Variants in PIGG observed in about 807,000 individuals in gnomAD.
PIGG encodes phosphatidylinositol glycan anchor biosynthesis class G (EMM blood group), also known as GPI ethanolamine phosphate transferase 2, catalytic subunit.
PIGG carries 70 observed loss-of-function variants against 83.2 expected under a neutral mutation model. The observed-to-expected ratio is 0.84, with a 90% CI of 0.69 to 1.03. The LOEUF (loss-of-function observed/expected upper bound fraction) is 1.03. Among genes scored for constraint, PIGG ranks in the 50% least tolerant of loss-of-function variants. The pLI is 0.00. For missense variants in PIGG, 1,257 were observed against 1,233.6 expected (o/e 1.02, Z -0.28); for synonymous variants, 532 against 519.5 (o/e 1.02, Z -0.33).
In PIGG at chr4:523,479, A is replaced by T. The variant is rs766274193; in HGVS notation, c.1635A>T (p.Ser545=). The change falls in exon 9 of 13, where the codon TCA becomes TCT. Residue 545 remains serine (S), a synonymous_variant. Transcript: ENST00000453061. ...CACAGAACCCCATGCATCCCAGCTC[A>T]AGGTGGTCAGAGCTAGACCTTCTTA... ...TPRKNPMHPS[S]RWSELDLLIL... The T allele has an allele frequency of 9.3e-6, 15 of 1,609,870 alleles. No homozygotes were observed. Among genetic ancestry groups the T allele is most frequent in the Admixed American group, 1.7e-5 (1 of 59,826 alleles).
At chr4:505,236 T>C (rs1719192205) in intron 2 of PIGG, among the ~76,000 whole-genome samples, 1 of 152,076 alleles carries the variant, frequency 6.6e-6, no homozygotes, top group Non-Finnish European at 1.5e-5. Context: ...CTGGAAAGAT[T>C]ATTAGGAGCC....
intron 2 of PIGG, among the ~76,000 whole-genome samples, chr4:503,663 C>T (rs1481149156): frequency 3.3e-5 from 5 of 151,916 alleles, no homozygotes; most frequent in Middle Eastern, 3.4e-3. Context: ...TGGTTAAATA[C>T]GTTATTGTAC....
At chr4:499,606 A>G in intron 1 of PIGG, 117 bp downstream of exon 1, 1 of 1,432,126 alleles carries the variant, frequency 7.0e-7, no homozygotes, top group Non-Finnish European at 9.1e-7. Flanking sequence ...CTCTTCCATT[A>G]TGGTCCCCAC....
At chr4:513,101 C>G (rs1722751223) in intron 5 of PIGG, among the ~76,000 whole-genome samples, 1 of 152,160 alleles carries the variant, frequency 6.6e-6, no homozygotes, top group Admixed American at 6.5e-5. Flanking sequence ...AGGCTTCTTA[C>G]CAAGGCCTAG....
intron 10 of PIGG, among the ~76,000 whole-genome samples, chr4:530,037 A>G (rs1343131115): frequency 6.6e-6 from 1 of 152,240 alleles, no homozygotes; most frequent in East Asian, 1.9e-4. Context: ...ATGAACATTT[A>G]TGAACTTACA....
At chr4:500,265 C>T (rs1400688243) in intron 1 of PIGG, 131 bp from the exon 2 acceptor site, 4 of 675,376 alleles carry the variant, frequency 5.9e-6, no homozygotes, top group Non-Finnish European at 7.5e-6. Flanking sequence ...CAAGTCGCCT[C>T]CTTTTGGGTT....
chr4:523,479 A>G lies in PIGG; in HGVS notation c.1635A>G (p.Ser545=), dbSNP rs766274193. ...CACAGAACCCCATGCATCCCAGCTCAAGGTGGTCAGAGCTAGACCTTCTTA... is the reference window on the plus strand; with the variant it reads ...CACAGAACCCCATGCATCCCAGCTCGAGGTGGTCAGAGCTAGACCTTCTTA... ...TPRKNPMHPS[S]RWSELDLLIL... The change falls in exon 9 of 13, where the codon TCA becomes TCG. Residue 545 remains serine, a synonymous_variant. Transcript: ENST00000453061. 1 of 1,609,988 alleles carries G rather than the reference A, an allele frequency of 6.2e-7. No individual in the cohort carries two copies. The highest frequency in any genetic ancestry group is 1.1e-5 in the South Asian group (1 of 90,872).
Position 505,632 on chromosome 4 carries a change from C to CAAAAA in PIGG, c.361-73_361-69dup, listed in dbSNP as rs374663154. The stretch of plus-strand genomic sequence containing the variant: ...TGAGCAACAGAGAGGGACCCTGTCT[C>CAAAAA]AAAAAAAAAAAAAAAAATCTTCAGT... On this transcript the variant is annotated intron_variant, in intron 2 of 12. Transcript: ENST00000453061. 832 of 737,940 alleles carry CAAAAA rather than the reference C, an allele frequency of 1.1e-3. 3 individuals carry two copies. Among genetic ancestry groups the CAAAAA allele is most frequent in the Middle Eastern group, 1.6e-3 (4 of 2,460 alleles). The allele number at this position is 737,940 out of a possible 1,614,324, so 45.7% of individuals were successfully genotyped here.
At chr4:518,580 G>A (rs572728084) in intron 6 of PIGG, among the ~76,000 whole-genome samples, 12 of 152,284 alleles carry the variant, frequency 7.9e-5, no homozygotes, top group South Asian at 6.2e-4. Context: ...GTGACAGAGC[G>A]AGACTCCATC....
intron 2 of PIGG, among the ~76,000 whole-genome samples, chr4:503,426 TCA>T (rs1421265835): frequency 1.3e-5 from 2 of 152,202 alleles, no homozygotes; most frequent in Non-Finnish European, 2.9e-5. Flanking sequence ...CTCTTCATCC[TCA>T]TATAGGCCCC....
intron 1 of PIGG, 67 bp downstream of exon 1, chr4:499,556 G>A: frequency 6.8e-7 from 1 of 1,480,580 alleles, no homozygotes; most frequent in African/African-American, 1.4e-5. Flanking sequence ...TTTTTTCTGA[G>A]CCTCGCTGCT....
intron 12 of PIGG, among the ~76,000 whole-genome samples, chr4:535,635 T>C (rs1036110186): frequency 1.3e-5 from 2 of 152,152 alleles, no homozygotes; most frequent in African/African-American, 4.8e-5. Context: ...CGTCCTCCCA[T>C]GACTGAACCG....
At chr4:527,911 T>G (rs1055811573) in intron 10 of PIGG, 18 of 985,278 alleles carry the variant, frequency 1.8e-5, no homozygotes, top group Non-Finnish European at 1.6e-5. Context: ...AATAGCTGTT[T>G]CCATTTATCT....
chr4:503,567 C>T (rs1454663818), intron 2 of PIGG, among the ~76,000 whole-genome samples: 1 of 152,188 alleles, frequency 6.6e-6, no homozygotes, highest in East Asian at 1.9e-4. Flanking sequence ...CCCACCTCAC[C>T]TCCACAACTT....
Position 515,703 on chromosome 4 carries a change from C to T in PIGG, c.902-270C>T, listed in dbSNP as rs1412985841. Among the ~76,000 whole-genome samples the T allele has an allele frequency of 1.3e-5, 2 of 152,224 alleles. No homozygotes were observed. Among genetic ancestry groups the T allele is most frequent in the African/African-American group, 4.8e-5 (2 of 41,466 alleles). On this transcript the variant is annotated intron_variant, in intron 5 of 12. Transcript: ENST00000453061. This position sits in a 1 kb window ranked among gnomAD's most constrained non-coding sequence, Gnocchi z 4.2. ...CTTCCTCTGTGTTCAGCCCATGCTC[C>T]GTAGCCCTTACTGTATGGAATTCCT... is the stretch of plus-strand genomic sequence containing the variant.
At chr4:530,375 A>G in intron 10 of PIGG, 61 bp from the exon 11 acceptor site, 1 of 1,233,470 alleles carries the variant, frequency 8.1e-7, no homozygotes, top group Non-Finnish European at 1.2e-6. Flanking sequence ...TTTCATGGGA[A>G]AATGTTTTTG....
chr4:524,342 G>T (rs1326544533), intron 9 of PIGG, among the ~76,000 whole-genome samples: 1 of 152,198 alleles, frequency 6.6e-6, no homozygotes, highest in East Asian at 1.9e-4. Context: ...AACACCTGAG[G>T]CCGGGTCACA....
At position 539,149 on chromosome 4, in the gene PIGG, A is replaced by C; in HGVS notation, c.2736-4A>C. 6.3e-7 allele frequency: 1 copy of C among 1,589,572 alleles called. No homozygotes were observed. The highest frequency in any genetic ancestry group is 8.6e-7 in the Non-Finnish European group (1 of 1,158,868). On this transcript the variant is annotated splice_region_variant and splice_polypyrimidine_tract_variant and intron_variant, in intron 12 of 12. Transcript: ENST00000453061. ...CTAATACACATTTTCTTTCTTATTA[A>C]CAGTGGTTCAGCACTGAGTCATGCT...
rs139613601 is a variant in PIGG at position 523,755 on chromosome 4, C to T, written c.1911C>T (p.His637=). 136 of 1,614,090 alleles carry T rather than the reference C, an allele frequency of 8.4e-5. No homozygotes were observed. The highest frequency in any genetic ancestry group is 2.2e-4 in the South Asian group (20 of 91,088). The stretch of plus-strand genomic sequence containing the variant: ...ATGTCCTGGAGCGAGACAAAGGCCA[C>T]GGAAGCCCCTCTACCTCCGAAGTGC... ...GCDVLERDKG[H]GSPSTSEVLR... The change falls in exon 9 of 13, where the codon CAC becomes CAT. Residue 637 remains histidine (H), a synonymous_variant. Coordinates refer to ENST00000453061, the MANE Select transcript of PIGG (RefSeq NM_001127178.3).
Sources: allele counts gnomAD v4.1 joint callset (sites outside exome capture counted in the v4.1 genomes callset), GRCh38; gene constraint gnomAD v4.1.1; non-coding constraint Gnocchi (gnomAD v3.1); transcripts MANE v1.5; gene names NCBI Gene and HGNC (gene_info 2026-07-23, HGNC 2026-07-21).